The following WDFY1 variants were observed in gnomAD, a reference collection of about 807,000 sequenced individuals.
WDFY1 encodes WD repeat and FYVE domain-containing protein 1.
In WDFY1, 32 loss-of-function variants were observed where a neutral mutation model predicts 56.4. The ratio of observed to expected loss-of-function variants is 0.57; its 90% confidence interval spans 0.43 to 0.76. WDFY1 has a LOEUF of 0.76. WDFY1 is among the 30% of genes least tolerant of loss of function. WDFY1 has a pLI of 0.00. For missense variants in WDFY1, 480 were observed against 545.7 expected (o/e 0.88, Z 1.20); for synonymous variants, 192 against 197.3 (o/e 0.97, Z 0.23).
intron 6 of WDFY1, among the ~76,000 whole-genome samples, chr2:223,896,696 G>T (rs676445): frequency 0.93 from 141,681 of 152,242 alleles, 66,000 homozygotes; most frequent in South Asian, 0.96. Flanking sequence ...GAAAATTAAT[G>T]ATGCCATATT....
intron 8 of WDFY1, among the ~76,000 whole-genome samples, chr2:223,888,750 CTATTTTTTTG>C (rs1434071996): frequency 1.3e-5 from 2 of 151,218 alleles, no homozygotes; most frequent in Non-Finnish European, 2.9e-5. Context: ...CCACACCCAG[CTATTTTTTTG>C]TATTTTTAGT....
chr2:223,884,045 C>CTT lies in WDFY1; in HGVS notation c.933+601_933+602dup, dbSNP rs1194002648. 2.1e-4 allele frequency among the ~76,000 whole-genome samples: 30 copies of CTT among 141,074 alleles called. 1 individual carries two copies. Among genetic ancestry groups the CTT allele is most frequent in the Admixed American group, 1.0e-3 (14 of 13,970 alleles). The allele number at this position is 141,074 out of a possible 152,430, so 92.6% of individuals were successfully genotyped here. A position where few individuals can be genotyped will look rare whatever the true frequency, so the allele number is the denominator to read the frequency against. Reference sequence around the variant, plus strand: ...ATCAGCATTCTTTTTTACTTACCTGCTTTTTTTTTTTTTTGTAGAACTTTA... The same window carrying CTT: ...ATCAGCATTCTTTTTTACTTACCTGCTTTTTTTTTTTTTTTTGTAGAACTTTA... On this transcript the variant is annotated intron_variant, in intron 9 of 11. Coordinates refer to ENST00000233055, the MANE Select transcript of WDFY1 (RefSeq NM_020830.5).
At chr2:223,915,790 G>A (rs569988794) in intron 2 of WDFY1, among the ~76,000 whole-genome samples, 1 of 152,162 alleles carries the variant, frequency 6.6e-6, no homozygotes, top group Non-Finnish European at 1.5e-5. Context: ...TGGGAGACTG[G>A]GGCAGGTTGG....
intron 1 of WDFY1, among the ~76,000 whole-genome samples, chr2:223,930,684 G>A (rs1205479400): frequency 6.6e-6 from 1 of 152,226 alleles, no homozygotes; most frequent in Non-Finnish European, 1.5e-5. Flanking sequence ...TGAATGGGGT[G>A]CTAGTACTGG....
chr2:223,928,903 G>C (rs553708205), intron 1 of WDFY1, among the ~76,000 whole-genome samples: 2 of 152,274 alleles, frequency 1.3e-5, no homozygotes, highest in South Asian at 2.1e-4. Flanking sequence ...TTATTGCAGG[G>C]GGGGTGAGAG....
At chr2:223,898,653 A>C (rs1447016664) in intron 6 of WDFY1, among the ~76,000 whole-genome samples, 2 of 152,096 alleles carry the variant, frequency 1.3e-5, no homozygotes, top group African/African-American at 4.8e-5. Context: ...TGGTACACCT[A>C]ATTCGGCCCC....
chr2:223,918,614 G>C (rs1305002611), intron 1 of WDFY1, among the ~76,000 whole-genome samples: 16 of 144,646 alleles, frequency 1.1e-4, no homozygotes. Context: ...CTGGGCTACA[G>C]AGTGAGACTC....
chr2:223,941,487 G>A (rs548924548), intron 1 of WDFY1, among the ~76,000 whole-genome samples: 3 of 152,178 alleles, frequency 2.0e-5, no homozygotes, highest in African/African-American at 7.2e-5. Context: ...CTCTATCCAT[G>A]AAGACCAGCT....
In WDFY1 at chr2:223,880,204, C is replaced by T. The variant is rs1693041729; in HGVS notation, c.1093G>A (p.Gly365Arg). ...DRTSLATFHE[G>R]KHNISHMSMD... ...GACATGTGGGAAATGTTATGTTTTCCTTCATGAAAGGTCGCTAGAGAAGTC... is the reference window on the plus strand; with the variant it reads ...GACATGTGGGAAATGTTATGTTTTCTTTCATGAAAGGTCGCTAGAGAAGTC... Residue 365 changes from glycine to arginine, a missense_variant, in exon 11 of 12, where the codon GGA becomes AGA. Coordinates refer to ENST00000233055, the MANE Select transcript of WDFY1 (RefSeq NM_020830.5). The T allele has an allele frequency of 6.2e-7, 1 of 1,613,944 alleles. No individual in the cohort carries two copies. The highest frequency in any genetic ancestry group is 8.5e-7 in the Non-Finnish European group (1 of 1,179,992).
In WDFY1 at chr2:223,876,441, G is replaced by C. The variant is rs1393490705; in HGVS notation, c.*2230C>G. 6.6e-6 allele frequency: 1 copy of C among 152,536 alleles called. No homozygotes were observed. The highest frequency in any genetic ancestry group is 1.9e-4 in the East Asian group (1 of 5,190). The allele number at this position is 152,536 out of a possible 1,614,324, so 9.4% of individuals were successfully genotyped here. On this transcript the variant is annotated 3_prime_UTR_variant, in exon 12 of 12. Transcript: ENST00000233055. ...CCCATTTGCTACCTAGCATATGAGA[G>C]AGACAAGACTAGCCTGTCACGTTTG...
intron 3 of WDFY1, among the ~76,000 whole-genome samples, chr2:223,907,123 T>A (rs557477830): frequency 6.7e-4 from 102 of 151,928 alleles, no homozygotes; most frequent in Non-Finnish European, 1.2e-3. Context: ...TAAAGGTGCA[T>A]GCCACCACAC....
At chr2:223,892,813 T>C (rs1281880965) in intron 8 of WDFY1, among the ~76,000 whole-genome samples, 1 of 152,242 alleles carries the variant, frequency 6.6e-6, no homozygotes, top group African/African-American at 2.4e-5. Flanking sequence ...TGTGATGTCA[T>C]GCAACACAGT....
At chr2:223,923,401 G>A (rs952336307) in intron 1 of WDFY1, among the ~76,000 whole-genome samples, 1 of 152,138 alleles carries the variant, frequency 6.6e-6, no homozygotes, top group African/African-American at 2.4e-5. Flanking sequence ...CAGTAAATTG[G>A]AAGTAAAATC....
intron 5 of WDFY1, 145 bp from the exon 6 acceptor site, chr2:223,899,215 AGAAAG>A (rs1693459354): frequency 1.7e-6 from 1 of 594,480 alleles, no homozygotes; most frequent in Non-Finnish European, 2.9e-6. Flanking sequence ...AACTATAACA[AGAAAG>A]GAAACACCCA....
At chr2:223,906,719 C>T (rs2106085652) in intron 3 of WDFY1, among the ~76,000 whole-genome samples, 1 of 152,038 alleles carries the variant, frequency 6.6e-6, no homozygotes, top group Middle Eastern at 3.4e-3. Flanking sequence ...GGGGTTTCAC[C>T]ATGTTGGCTA....
At chr2:223,929,696 C>CCACAGACCACA (rs1406094939) in intron 1 of WDFY1, among the ~76,000 whole-genome samples, 3 of 152,128 alleles carry the variant, frequency 2.0e-5, no homozygotes, top group Non-Finnish European at 4.4e-5. Flanking sequence ...CTGTTGAGAA[C>CCACAGACCACA]GAGGTGCCAC....
At chr2:223,932,834 T>C (rs1177374485) in intron 1 of WDFY1, among the ~76,000 whole-genome samples, 1 of 150,048 alleles carries the variant, frequency 6.7e-6, no homozygotes, top group Non-Finnish European at 1.5e-5. Flanking sequence ...AAGGATATTT[T>C]TTCCTAGTCT....
intron 2 of WDFY1, among the ~76,000 whole-genome samples, chr2:223,914,930 G>C (rs1693763262): frequency 6.6e-6 from 1 of 152,034 alleles, no homozygotes; most frequent in Non-Finnish European, 1.5e-5. Context: ...AATATACTAA[G>C]GCTTGGCTTA....
At chr2:223,884,992 C>T (rs1693148465) in intron 8 of WDFY1, among the ~76,000 whole-genome samples, 1 of 151,352 alleles carries the variant, frequency 6.6e-6, no homozygotes, top group East Asian at 2.0e-4. Context: ...CAGGCATGCA[C>T]TACCACTCCA....
Sources: allele counts gnomAD v4.1 joint callset (sites outside exome capture counted in the v4.1 genomes callset), GRCh38; gene constraint gnomAD v4.1.1; transcripts MANE v1.5; gene names NCBI Gene and HGNC (gene_info 2026-07-23, HGNC 2026-07-21).